KIAA1958: variants seen among roughly 807,000 people sequenced by gnomAD.
The protein encoded by KIAA1958 is uncharacterized protein KIAA1958.
Under a neutral mutation model 47.2 loss-of-function variants are expected in KIAA1958, and 14 were observed. That is an observed-to-expected ratio of 0.30 (90% CI 0.20 to 0.46). KIAA1958 has a LOEUF of 0.46. Among genes scored for constraint, KIAA1958 ranks in the 20% least tolerant of loss-of-function variants. KIAA1958 has a pLI of 1.00. For missense variants in KIAA1958, 803 were observed against 909.2 expected (o/e 0.88, Z 1.50); for synonymous variants, 354 against 353.3 (o/e 1.00, Z -0.02).
At chr9:112,566,181 G>T (rs1171295204) in intron 1 of KIAA1958, among the ~76,000 whole-genome samples, 2 of 152,048 alleles carry the variant, frequency 1.3e-5, no homozygotes, top group African/African-American at 4.8e-5. Context: ...GGGATTACAG[G>T]CATGAGCCAC....
intron 1 of KIAA1958, among the ~76,000 whole-genome samples, chr9:112,533,660 C>T (rs1203751097): frequency 6.7e-6 from 1 of 149,514 alleles, no homozygotes; most frequent in African/African-American, 2.5e-5. Flanking sequence ...CCTCAGGAAA[C>T]TTAAAATCAT....
intron 1 of KIAA1958, among the ~76,000 whole-genome samples, chr9:112,503,383 G>A (rs1158844287): frequency 6.6e-6 from 1 of 152,118 alleles, no homozygotes; most frequent in Non-Finnish European, 1.5e-5. Context: ...GCTGGTCGCG[G>A]TGGCTCACTC....
intron 1 of KIAA1958, among the ~76,000 whole-genome samples, chr9:112,567,637 C>T (rs990150122): frequency 6.6e-6 from 1 of 152,018 alleles, no homozygotes; most frequent in Non-Finnish European, 1.5e-5. Flanking sequence ...GTCTAAAATC[C>T]TGAAAATCAA....
chr9:112,543,481 A>T (rs1470651045), intron 1 of KIAA1958, among the ~76,000 whole-genome samples: 2 of 151,378 alleles, frequency 1.3e-5, no homozygotes, highest in Admixed American at 6.6e-5. Flanking sequence ...GTGGGATATT[A>T]GTTTTCTGAG....
chr9:112,566,507 A>G (rs1344935749), intron 1 of KIAA1958, among the ~76,000 whole-genome samples: 1 of 152,188 alleles, frequency 6.6e-6, no homozygotes, highest in Non-Finnish European at 1.5e-5. Context: ...CTGTAGTCCC[A>G]GCTACTCTGG....
chr9:112,659,468 TGAG>T lies in KIAA1958; in HGVS notation c.1551_1553del (p.Ser518del). On this transcript the variant is annotated inframe_deletion, in exon 4 of 4. Transcript: ENST00000337530. ...AAACTCAAGGAGAAGCTGTGGGTGC[TGAG>T]TAAGGCAGGCATGTCGGGCGCGCGT... is the stretch of plus-strand genomic sequence containing the variant. The T allele has an allele frequency of 1.9e-6, 3 of 1,613,902 alleles. No individual in the cohort carries two copies. The highest frequency in any genetic ancestry group is 2.2e-5 in the East Asian group (1 of 44,876).
intron 3 of KIAA1958, among the ~76,000 whole-genome samples, chr9:112,655,787 G>T (rs954075129): frequency 2.0e-5 from 3 of 152,202 alleles, no homozygotes; most frequent in Non-Finnish European, 4.4e-5. Context: ...TCCACCTGGA[G>T]CATGGTGGCC....
chr9:112,517,634 C>T (rs138456968), intron 1 of KIAA1958, among the ~76,000 whole-genome samples: 67 of 152,186 alleles, frequency 4.4e-4, no homozygotes, highest in African/African-American at 1.5e-3. Context: ...TCAGAAGATA[C>T]TATTAAGAGA....
At chr9:112,490,581 T>C (rs1833951496) in intron 1 of KIAA1958, among the ~76,000 whole-genome samples, 1 of 152,214 alleles carries the variant, frequency 6.6e-6, no homozygotes, top group Admixed American at 6.5e-5. Flanking sequence ...GTGTAAATTC[T>C]GTTGTTTGGT....
intron 2 of KIAA1958, chr9:112,581,725 G>A: frequency 5.6e-6 from 1 of 179,150 alleles, no homozygotes; most frequent in South Asian, 1.3e-4. Context: ...CTGCTCACAG[G>A]CCTGATACCT....
chr9:112,526,241 A>G (rs912416145), intron 1 of KIAA1958, among the ~76,000 whole-genome samples: 7 of 85,292 alleles, frequency 8.2e-5, no homozygotes, highest in African/African-American at 3.6e-4. Flanking sequence ...ATAACAGAAT[A>G]CCTTGAAACT....
chr9:112,633,426 A>T (rs190052329), intron 2 of KIAA1958, among the ~76,000 whole-genome samples: 1 of 152,180 alleles, frequency 6.6e-6, no homozygotes, highest in African/African-American at 2.4e-5. Context: ...CTCTTAATTT[A>T]TTAGGTTTGC....
chr9:112,589,349 C>T lies in KIAA1958; in HGVS notation c.1171+14098C>T, dbSNP rs754420729. Among the ~76,000 whole-genome samples the T allele has an allele frequency of 4.6e-5, 7 of 152,140 alleles. No homozygotes were observed. The South Asian group carries it at 1.0e-3, about 23-fold the overall frequency. ...CAGTGGCTTACGCCTGTAATCCCAG[C>T]ACTTTGGGAGGCTGAGGCTGGTGGA... On this transcript the variant is annotated intron_variant, in intron 2 of 3. Coordinates refer to ENST00000337530, the MANE Select transcript of KIAA1958 (RefSeq NM_133465.4).
chr9:112,614,002 A>G (rs1162137412), intron 2 of KIAA1958, among the ~76,000 whole-genome samples: 1 of 152,220 alleles, frequency 6.6e-6, no homozygotes, highest in Non-Finnish European at 1.5e-5. Context: ...AAAACTGAAA[A>G]CTAATAGAAT....
intron 2 of KIAA1958, among the ~76,000 whole-genome samples, chr9:112,615,431 A>AG (rs1486290411): frequency 6.6e-6 from 1 of 151,848 alleles, no homozygotes; most frequent in Non-Finnish European, 1.5e-5. Flanking sequence ...AAAAAAAAAA[A>AG]AAAAAGAGGA....
At chr9:112,512,828 T>C (rs916553783) in intron 1 of KIAA1958, among the ~76,000 whole-genome samples, 4 of 150,726 alleles carry the variant, frequency 2.7e-5, no homozygotes, top group African/African-American at 9.8e-5. Context: ...CAGGGATAGG[T>C]GTTTTTTTTG....
At chr9:112,488,198 A>G (rs1422844608) in intron 1 of KIAA1958, among the ~76,000 whole-genome samples, 1 of 152,168 alleles carries the variant, frequency 6.6e-6, no homozygotes, top group African/African-American at 2.4e-5. Context: ...TACCCATGAG[A>G]CCATGAATGT....
Position 112,618,748 on chromosome 9 carries a change from C to T in KIAA1958, c.1172-26902C>T. 2 of 1,550,670 alleles carry T rather than the reference C, an allele frequency of 1.3e-6. No homozygotes were observed. Among genetic ancestry groups the T allele is most frequent in the Non-Finnish European group, 1.7e-6 (2 of 1,147,004 alleles). On this transcript the variant is annotated intron_variant, in intron 2 of 3. Coordinates refer to ENST00000337530, the MANE Select transcript of KIAA1958 (RefSeq NM_133465.4). The surrounding 1 kb of genome is among the most constrained non-coding windows in gnomAD (Gnocchi z 7.1). ...GCAACATCCCTGGCAGGAAAACCAACTTCAGTGTGTATCAGAGCTGCAGCA... is the reference window on the plus strand; with the variant it reads ...GCAACATCCCTGGCAGGAAAACCAATTTCAGTGTGTATCAGAGCTGCAGCA...
At chr9:112,630,449 C>CAACAAAGGG (rs1836690735) in intron 2 of KIAA1958, among the ~76,000 whole-genome samples, 1 of 152,058 alleles carries the variant, frequency 6.6e-6, no homozygotes, top group African/African-American at 2.4e-5. Flanking sequence ...GTTTTGAGAC[C>CAACAAAGGG]AGCCTGGACA....
Sources: gnomAD v4.1 joint callset for allele counts (sites outside exome capture counted in the v4.1 genomes callset) on GRCh38, gnomAD v4.1.1 for gene constraint, Gnocchi (gnomAD v3.1) non-coding constraint, MANE v1.5 for transcripts, NCBI Gene and HGNC (gene_info 2026-07-23, HGNC 2026-07-21) for gene names.